Variants in DOHH observed in about 807,000 individuals in gnomAD.
DOHH encodes the protein deoxyhypusine hydroxylase.
A neutral mutation model predicts 19.9 loss-of-function variants in DOHH; 16 were observed. The ratio of observed to expected loss-of-function variants is 0.80; its 90% CI spans 0.54 to 1.22. The LOEUF is 1.22. DOHH is among the 50% of genes most tolerant of loss of function. DOHH has a pLI of 0.00. For missense variants in DOHH, 460 were observed against 460.6 expected (o/e 1.00, Z 0.01); for synonymous variants, 233 against 217.0 (o/e 1.07, Z -0.65).
intron 1 of DOHH, among the ~76,000 whole-genome samples, chr19:3,498,330 G>A (rs2082924986): frequency 6.6e-6 from 1 of 152,136 alleles, no homozygotes; most frequent in Non-Finnish European, 1.5e-5. Flanking sequence ...CTCATACAAA[G>A]GCTGGAATGT....
intron 1 of DOHH, 47 bp downstream of exon 1, chr19:3,500,514 C>T (rs951401003): frequency 3.9e-5 from 6 of 152,284 alleles, no homozygotes; most frequent in African/African-American, 1.4e-4. Context: ...CCACCGCCCG[C>T]CAGACCCGGG....
intron 1 of DOHH, among the ~76,000 whole-genome samples, chr19:3,498,886 A>C (rs75478376): frequency 6.6e-6 from 1 of 152,326 alleles, no homozygotes; most frequent in African/African-American, 2.4e-5. Context: ...CATTTAGATT[A>C]AGTAAATTTA....
intron 3 of DOHH, 109 bp downstream of exon 3, chr19:3,493,919 C>G: frequency 9.6e-7 from 1 of 1,040,364 alleles, no homozygotes; most frequent in Non-Finnish European, 1.4e-6. Flanking sequence ...GCCCTGGCAA[C>G]CAGAGATGGG....
rs765896061 is a variant in DOHH at position 3,492,289 on chromosome 19, C to T, written c.562G>A (p.Glu188Lys). 2 of 1,501,174 alleles carry T rather than the reference C, an allele frequency of 1.3e-6. No individual in the cohort carries two copies. The highest frequency in any genetic ancestry group is 1.3e-5 in the South Asian group (1 of 77,162). The allele number at this position is 1,501,174 out of a possible 1,614,324, so 93.0% of individuals were successfully genotyped here. ...AMFALRNAGG[E>K]EAALALAEGL... ...TCGGCCAGCGCCAGGGCGGCCTCCT[C>T]GCCTCCCGCGTTGCGCAGGGCGAAC... The change falls in exon 4 of 5, where the codon GAG (glutamate) becomes AAG (lysine). Residue 188 changes from glutamate to lysine, a missense_variant. By Grantham distance (56) the Glu-to-Lys change is moderately conservative. Coordinates refer to ENST00000427575, the MANE Select transcript of DOHH (RefSeq NM_001145165.2).
chr19:3,492,759 C>A (rs922959903), intron 3 of DOHH, among the ~76,000 whole-genome samples: 2 of 152,064 alleles, frequency 1.3e-5, no homozygotes, highest in African/African-American at 4.8e-5. Context: ...GGTGGAGACC[C>A]GGGGATGGGG....
chr19:3,492,391 C>T lies in DOHH; in HGVS notation c.460G>A (p.Glu154Lys). Residue 154 changes from glutamate (E) to lysine (K), a missense_variant, in exon 4 of 5, where the codon GAG (glutamate) becomes AAG (lysine). Physicochemically the swap from Glu to Lys is moderately conservative, Grantham distance 56. Coordinates refer to ENST00000427575, the MANE Select transcript of DOHH (RefSeq NM_001145165.2). The stretch of plus-strand genomic sequence containing the variant: ...CGCAGGCGCCCCACGTCACGCTCCT[C>T]AGCCGGCGGGGCAGGGTCCACGGAG... The part of the protein sequence containing the change: ...YLSVDPAPPA[E>K]ERDVGRLREA... The T allele has an allele frequency of 2.0e-6, 3 of 1,532,916 alleles. No individual in the cohort carries two copies. The highest frequency in any genetic ancestry group is 2.6e-6 in the Non-Finnish European group (3 of 1,146,574). The allele number at this position is 1,532,916 out of a possible 1,614,324, so 95.0% of individuals were successfully genotyped here.
At chr19:3,494,510 A>C (rs2082894441) in intron 2 of DOHH, among the ~76,000 whole-genome samples, 1 of 152,206 alleles carries the variant, frequency 6.6e-6, no homozygotes, top group Non-Finnish European at 1.5e-5. Flanking sequence ...CTGTCTCAAA[A>C]AAACAAACAA....
Position 3,491,594 on chromosome 19 carries a change from C to A in DOHH, c.807G>T (p.Val269=), listed in dbSNP as rs1568220021. Residue 269 remains valine (V), a synonymous_variant, in exon 5 of 5, where the codon GTG becomes GTT. Transcript: ENST00000427575. The surrounding 1 kb of genome is among the most constrained non-coding windows in gnomAD (Gnocchi z 5.6). ...QAHADDPERV[V]RESCEVALDM... is the part of the protein sequence containing the mutation. ...CCAGAGCCACCTCGCAGCTCTCACG[C>A]ACCACGCGCTCTGGGTCGTCCGCGT... 1.3e-6 allele frequency: 2 copies of A among 1,535,820 alleles called. No individual in the cohort carries two copies. The highest frequency in any genetic ancestry group is 1.7e-6 in the Non-Finnish European group (2 of 1,146,612).
At chr19:3,497,689 A>G (rs954528495) in intron 1 of DOHH, among the ~76,000 whole-genome samples, 1 of 152,278 alleles carries the variant, frequency 6.6e-6, no homozygotes, top group African/African-American at 2.4e-5. Context: ...CGGCAGCATG[A>G]TCACGGCTCA....
Position 3,491,768 on chromosome 19 carries a change from G to T in DOHH, c.633C>A (p.Tyr211Ter). 2.0e-6 allele frequency: 3 copies of T among 1,510,030 alleles called. No homozygotes were observed. The highest frequency in any genetic ancestry group is 2.6e-6 in the Non-Finnish European group (3 of 1,132,086). The allele number at this position is 1,510,030 out of a possible 1,614,324, so 93.5% of individuals were successfully genotyped here. A position where few individuals can be genotyped will look rare whatever the true frequency, so the allele number is the denominator to read the frequency against. ...GSALFRHEVG[Y>*]VLGQLQHEAA... Reference sequence around the variant, plus strand: ...CCTCGTGCTGCAGCTGTCCCAGGACGTAGCCGACCTCGTGGCGGAAGAGGG... The same window carrying T: ...CCTCGTGCTGCAGCTGTCCCAGGACTTAGCCGACCTCGTGGCGGAAGAGGG... The change falls in exon 5 of 5, where the codon TAC becomes TAA. Residue 211 changes from tyrosine (Y) to a stop codon, truncating the protein, a stop_gained. Transcript: ENST00000427575. LOFTEE classifies it low-confidence loss of function (END_TRUNC). This position sits in a 1 kb window ranked among gnomAD's most constrained non-coding sequence, Gnocchi z 5.6.
chr19:3,496,749 C>T lies in DOHH; in HGVS notation c.66G>A (p.Gln22=), dbSNP rs1180141277. The T allele has an allele frequency of 6.2e-7, 1 of 1,609,930 alleles. No homozygotes were observed. The highest frequency in any genetic ancestry group is 1.3e-5 in the African/African-American group (1 of 74,924). The change falls in exon 2 of 5, where the codon CAG becomes CAA. Residue 22 remains glutamine (Q), a synonymous_variant. Coordinates refer to ENST00000427575, the MANE Select transcript of DOHH (RefSeq NM_001145165.2). The surrounding 1 kb of genome is among the most constrained non-coding windows in gnomAD (Gnocchi z 4.8). Reference sequence around the variant, plus strand: ...GCGTGAACAGCGCCCGGAAGCGGGCCTGCAGGGGCTGCTTGGGGTCCACCA... The same window carrying T: ...GCGTGAACAGCGCCCGGAAGCGGGCTTGCAGGGGCTGCTTGGGGTCCACCA... The part of the protein sequence containing the change: ...QTLVDPKQPL[Q]ARFRALFTLR...
At chr19:3,493,980 T>C in intron 3 of DOHH, 48 bp downstream of exon 3, 1 of 1,580,500 alleles carries the variant, frequency 6.3e-7, no homozygotes, top group Non-Finnish European at 8.6e-7. Context: ...TGGGCAGGGC[T>C]TCCCAGGGAC....
Position 3,492,507 on chromosome 19 carries a change from G to T in DOHH, c.352-8C>A. ...CTGGCAGGTCTCGGCCACCTGCGGG[G>T]AGGGGGTATCAGGCAGCGGGTTGGC... On this transcript the variant is annotated splice_region_variant and splice_polypyrimidine_tract_variant and intron_variant, in intron 3 of 4. Coordinates refer to ENST00000427575, the MANE Select transcript of DOHH (RefSeq NM_001145165.2). 1 of 1,376,600 alleles carries T rather than the reference G, an allele frequency of 7.3e-7. No individual in the cohort carries two copies. Among genetic ancestry groups the T allele is most frequent in the Non-Finnish European group, 9.3e-7 (1 of 1,071,870 alleles). The allele number at this position is 1,376,600 out of a possible 1,614,324, so 85.3% of individuals were successfully genotyped here.
chr19:3,496,472 G>A lies in DOHH; in HGVS notation c.274+69C>T. On this transcript the variant is annotated intron_variant, in intron 2 of 4. Transcript: ENST00000427575. This position sits in a 1 kb window ranked among gnomAD's most constrained non-coding sequence, Gnocchi z 4.8. The stretch of plus-strand genomic sequence containing the variant: ...GATATTTATCACCTGAGTGAGGAAG[G>A]GGACACGTGGGGTCATGAAGAAGTG... 6.4e-7 allele frequency: 1 copy of A among 1,554,154 alleles called. No homozygotes were observed. The highest frequency in any genetic ancestry group is 8.7e-7 in the Non-Finnish European group (1 of 1,150,112).
At chr19:3,495,740 C>A (rs748999911) in intron 2 of DOHH, among the ~76,000 whole-genome samples, 1 of 152,104 alleles carries the variant, frequency 6.6e-6, no homozygotes, top group Non-Finnish European at 1.5e-5. Context: ...CAAAACCCAT[C>A]TCTACTAAAA....
At chr19:3,499,305 T>C (rs2082932059) in intron 1 of DOHH, among the ~76,000 whole-genome samples, 1 of 152,192 alleles carries the variant, frequency 6.6e-6, no homozygotes, top group Admixed American at 6.5e-5. Context: ...TTTATTTTTC[T>C]CCACGGCGCC....
Position 3,500,581 on chromosome 19 carries a change from C to A in DOHH, c.-93G>T, listed in dbSNP as rs2082943222. 6.6e-6 allele frequency: 1 copy of A among 152,266 alleles called. No homozygotes were observed. The highest frequency in any genetic ancestry group is 1.5e-5 in the Non-Finnish European group (1 of 68,064). 9.4% of individuals were successfully genotyped at this position (152,266 alleles called of 1,614,324 possible). A position where few individuals can be genotyped will look rare whatever the true frequency, so the allele number is the denominator to read the frequency against. On this transcript the variant is annotated 5_prime_UTR_variant, in exon 1 of 5. Transcript: ENST00000427575. ...CTCACCGAGCTCTGGAGACTCAGGA[C>A]CCGTCGGCCCGGCCAGTAACCGCAG...
At chr19:3,498,459 G>A (rs2082925852) in intron 1 of DOHH, among the ~76,000 whole-genome samples, 1 of 152,024 alleles carries the variant, frequency 6.6e-6, no homozygotes, top group African/African-American at 2.4e-5. Context: ...AGGCTGGAGT[G>A]TAGTGGCATT....
chr19:3,491,502 G>T lies in DOHH; in HGVS notation c.899C>A (p.Ala300Asp), dbSNP rs1568219911. ...YADGLEQLRG[A>D]PS ...GGTGAGGGTGGGGCCCTAGGAGGGG[G>T]CCCCGCGCAGCTGCTCCAGGCCGTC... Residue 300 changes from alanine to aspartate, a missense_variant, in exon 5 of 5, where the codon GCC becomes GAC. By Grantham distance (126) the Ala-to-Asp change is moderately radical. Coordinates refer to ENST00000427575, the MANE Select transcript of DOHH (RefSeq NM_001145165.2). The surrounding 1 kb of genome is among the most constrained non-coding windows in gnomAD (Gnocchi z 5.6). The T allele has an allele frequency of 3.3e-6, 5 of 1,533,844 alleles. No homozygotes were observed. The Admixed American group carries it at 7.9e-5, about 24-fold the overall frequency.
Sources: allele counts gnomAD v4.1 joint callset (sites outside exome capture counted in the v4.1 genomes callset), GRCh38; gene constraint gnomAD v4.1.1; non-coding constraint Gnocchi (gnomAD v3.1); transcripts MANE v1.5; gene names NCBI Gene and HGNC (gene_info 2026-07-23, HGNC 2026-07-21).